The following SPOCK3 variants were observed in gnomAD, a reference collection of about 807,000 sequenced individuals.
SPOCK3 encodes the protein SPARC (osteonectin), cwcv and kazal like domains proteoglycan 3.
Under a neutral mutation model 56.6 loss-of-function variants are expected in SPOCK3, and 30 were observed. The observed-to-expected ratio is 0.53, with a 90% CI of 0.40 to 0.72. The LOEUF (loss-of-function observed/expected upper bound fraction) is 0.72, where lower values mean the gene tolerates loss of function less well. SPOCK3 is among the 30% of genes least tolerant of loss of function. SPOCK3 has a pLI of 0.00. For synonymous variants in SPOCK3, 196 were observed against 183.3 expected (o/e 1.07, Z -0.56); for missense variants, 527 against 530.0 (o/e 0.99, Z 0.06).
At chr4:166,755,757 T>C (rs1736984566) in intron 7 of SPOCK3, among the ~76,000 whole-genome samples, 1 of 152,084 alleles carries the variant, frequency 6.6e-6, no homozygotes, top group Admixed American at 6.6e-5. Context: ...TGCAATTCTC[T>C]CAGATTTTGT....
chr4:167,205,811 T>C (rs1174715229), intron 2 of SPOCK3, among the ~76,000 whole-genome samples: 1 of 146,516 alleles, frequency 6.8e-6, no homozygotes, highest in Non-Finnish European at 1.5e-5. Flanking sequence ...GGTTTTCACA[T>C]GTTGGCCAGC....
intron 2 of SPOCK3, among the ~76,000 whole-genome samples, chr4:167,088,300 G>A (rs938415341): frequency 6.6e-6 from 1 of 152,086 alleles, no homozygotes; most frequent in African/African-American, 2.4e-5. Context: ...GGTTTCAGAT[G>A]ATGCTGATGC....
chr4:167,184,402 ACT>A (rs747588244), intron 2 of SPOCK3, among the ~76,000 whole-genome samples: 2 of 152,132 alleles, frequency 1.3e-5, no homozygotes, highest in Non-Finnish European at 2.9e-5. Flanking sequence ...GATAATTGGT[ACT>A]CTGTCGTATC....
intron 4 of SPOCK3, among the ~76,000 whole-genome samples, chr4:166,926,952 G>A (rs1347947746): frequency 6.6e-6 from 1 of 152,044 alleles, no homozygotes; most frequent in East Asian, 1.9e-4. Flanking sequence ...TTAATTTCAA[G>A]ATTTATAATG....
chr4:166,937,864 C>T lies in SPOCK3; in HGVS notation c.351-25121G>A, dbSNP rs925410009. ...CTGAAAGCTCCGCCTCCCGGGTTCA[C>T]GCCATTCTCCTGCCTCAGCCTCCCG... On this transcript the variant is annotated intron_variant, in intron 4 of 10. Coordinates refer to ENST00000357545, the MANE Select transcript of SPOCK3 (RefSeq NM_001040159.2). Among the ~76,000 whole-genome samples, 7 of 149,240 alleles carry T rather than the reference C, an allele frequency of 4.7e-5. No homozygotes were observed. The East Asian group carries it at 5.9e-4, about 13-fold the overall frequency.
chr4:167,184,854 C>G (rs1326285361), intron 2 of SPOCK3, among the ~76,000 whole-genome samples: 1 of 152,082 alleles, frequency 6.6e-6, no homozygotes, highest in Non-Finnish European at 1.5e-5. Flanking sequence ...AAATGGAAGG[C>G]AATTGGTGTT....
At chr4:167,211,662 A>C (rs999045247) in intron 2 of SPOCK3, among the ~76,000 whole-genome samples, 13 of 152,146 alleles carry the variant, frequency 8.5e-5, no homozygotes, top group Admixed American at 8.5e-4. Context: ...CATGTGAGAC[A>C]TGCCTTTCAC....
chr4:166,978,516 C>G (rs1205944949), intron 4 of SPOCK3, among the ~76,000 whole-genome samples: 1 of 152,124 alleles, frequency 6.6e-6, no homozygotes, highest in Non-Finnish European at 1.5e-5. Context: ...GGTCTGGAGT[C>G]CCTTAAAATC....
intron 6 of SPOCK3, among the ~76,000 whole-genome samples, chr4:166,818,252 T>C (rs1221611021): frequency 1.3e-5 from 2 of 152,034 alleles, no homozygotes; most frequent in Admixed American, 1.3e-4. Flanking sequence ...ATTGTGTGTG[T>C]GTGTGTGTAT....
At chr4:167,012,048 G>A (rs1041133492) in intron 3 of SPOCK3, among the ~76,000 whole-genome samples, 3 of 151,676 alleles carry the variant, frequency 2.0e-5, no homozygotes, top group Admixed American at 6.6e-5. Flanking sequence ...TCAAGGTTGG[G>A]ATGAATAAAT....
intron 3 of SPOCK3, among the ~76,000 whole-genome samples, chr4:167,016,480 T>C (rs955410846): frequency 2.6e-5 from 4 of 152,034 alleles, no homozygotes; most frequent in African/African-American, 9.7e-5. Flanking sequence ...CTATATTGCG[T>C]ATAATTTCCC....
intron 2 of SPOCK3, among the ~76,000 whole-genome samples, chr4:167,082,648 G>A (rs566718082): frequency 6.6e-6 from 1 of 151,782 alleles, no homozygotes; most frequent in African/African-American, 2.4e-5. Flanking sequence ...GTGAGGTTGT[G>A]GGGTCAGGGA....
intron 2 of SPOCK3, among the ~76,000 whole-genome samples, chr4:167,221,855 G>A (rs952952149): frequency 6.6e-6 from 1 of 152,138 alleles, no homozygotes; most frequent in African/African-American, 2.4e-5. Context: ...TCCATTGTGA[G>A]TAGGACTGTA....
At chr4:166,819,480 T>C (rs1282951583) in intron 6 of SPOCK3, among the ~76,000 whole-genome samples, 1 of 152,024 alleles carries the variant, frequency 6.6e-6, no homozygotes, top group African/African-American at 2.4e-5. Flanking sequence ...TCCTAAGGAA[T>C]ACACATAAAC....
At chr4:166,866,210 G>C (rs1731819409) in intron 6 of SPOCK3, among the ~76,000 whole-genome samples, 1 of 152,022 alleles carries the variant, frequency 6.6e-6, no homozygotes, top group Non-Finnish European at 1.5e-5. Flanking sequence ...AATGGTGCTG[G>C]GAAAACTGGC....
At chr4:166,914,555 G>T (rs1181401121) in intron 4 of SPOCK3, among the ~76,000 whole-genome samples, 1 of 152,160 alleles carries the variant, frequency 6.6e-6, no homozygotes, top group Non-Finnish European at 1.5e-5. Flanking sequence ...CGGATCACCT[G>T]AGGTTGGGAG....
At chr4:167,114,363 G>A (rs2150352284) in intron 2 of SPOCK3, among the ~76,000 whole-genome samples, 1 of 152,126 alleles carries the variant, frequency 6.6e-6, no homozygotes, top group East Asian at 1.9e-4. Flanking sequence ...TAAGTAGAAG[G>A]GCTGTGAAGA....
chr4:166,974,796 G>A (rs371748950), intron 4 of SPOCK3, among the ~76,000 whole-genome samples: 1 of 152,094 alleles, frequency 6.6e-6, no homozygotes, highest in East Asian at 1.9e-4. Context: ...ACATGGTTTT[G>A]TTATTATCAT....
intron 6 of SPOCK3, among the ~76,000 whole-genome samples, chr4:166,835,146 C>T (rs1422023341): frequency 6.6e-6 from 1 of 152,016 alleles, no homozygotes; most frequent in African/African-American, 2.4e-5. Context: ...AATTGTTACT[C>T]ATCACAGAAT....
Sources: allele counts gnomAD v4.1 joint callset (sites outside exome capture counted in the v4.1 genomes callset), GRCh38; gene constraint gnomAD v4.1.1; transcripts MANE v1.5; gene names NCBI Gene and HGNC (gene_info 2026-07-23, HGNC 2026-07-21).